The following SERTAD2 variants were observed in gnomAD, a reference collection of about 807,000 sequenced individuals.
SERTAD2 encodes SERTA domain-containing protein 2.
SERTAD2 carries 2 observed loss-of-function variants against 15.4 expected under a neutral mutation model. The observed-to-expected ratio is 0.13, with a 90% CI of 0.05 to 0.41. The LOEUF is 0.41. Among genes scored for constraint, SERTAD2 ranks in the 10% least tolerant of loss-of-function variants. SERTAD2 has a pLI of 0.99. For synonymous variants in SERTAD2, 180 were observed against 178.0 expected (o/e 1.01, Z -0.09); for missense variants, 333 against 409.7 (o/e 0.81, Z 1.62).
chr2:64,643,099 C>A (rs764093961), intron 1 of SERTAD2, among the ~76,000 whole-genome samples: 1 of 152,216 alleles, frequency 6.6e-6, no homozygotes, highest in Non-Finnish European at 1.5e-5. Context: ...TCCTGCACCC[C>A]TGGGGCTTGT....
In SERTAD2 at chr2:64,634,168, T is replaced by C; in HGVS notation, c.*1759A>G. 6.6e-6 allele frequency: 1 copy of C among 152,108 alleles called. No homozygotes were observed. The highest frequency in any genetic ancestry group is 6.5e-5 in the Admixed American group (1 of 15,272). 9.4% of individuals were successfully genotyped at this position (152,108 alleles called of 1,614,324 possible). ...AAAATTTTTAAATAAATATAAAAGTTATTCCTAAAGAAGCCATCTGCATAA... is the reference window on the plus strand; with the variant it reads ...AAAATTTTTAAATAAATATAAAAGTCATTCCTAAAGAAGCCATCTGCATAA... On this transcript the variant is annotated 3_prime_UTR_variant, in exon 2 of 2. Coordinates refer to ENST00000313349, the MANE Select transcript of SERTAD2 (RefSeq NM_014755.3).
rs942268128 is a variant in SERTAD2 at position 64,632,574 on chromosome 2, A to G, written c.*3353T>C. 2 of 152,466 alleles carry G rather than the reference A, an allele frequency of 1.3e-5. No homozygotes were observed. Among genetic ancestry groups the G allele is most frequent in the Admixed American group, 6.6e-5 (1 of 15,234 alleles). The allele number at this position is 152,466 out of a possible 1,614,324, so 9.4% of individuals were successfully genotyped here. A position where few individuals can be genotyped will look rare whatever the true frequency, so the allele number is the denominator to read the frequency against. On this transcript the variant is annotated 3_prime_UTR_variant, in exon 2 of 2. Coordinates refer to ENST00000313349, the MANE Select transcript of SERTAD2 (RefSeq NM_014755.3). ...TCTGTCATCCAGAGAAAGTGCTACT[A>G]AAAAAACTTTAAAAAATATCAACCC...
At chr2:64,637,876 T>C (rs563743151) in intron 1 of SERTAD2, among the ~76,000 whole-genome samples, 2 of 152,360 alleles carry the variant, frequency 1.3e-5, no homozygotes, top group African/African-American at 4.8e-5. Flanking sequence ...TTTTATCAAC[T>C]GGTTGTCACC....
chr2:64,641,413 T>C (rs1674775339), intron 1 of SERTAD2, among the ~76,000 whole-genome samples: 1 of 152,192 alleles, frequency 6.6e-6, no homozygotes, highest in South Asian at 2.1e-4. Flanking sequence ...TTGTAGCCTA[T>C]TTGAAAGTTA....
intron 1 of SERTAD2, among the ~76,000 whole-genome samples, chr2:64,652,994 A>G (rs1558657779): frequency 6.6e-6 from 1 of 152,206 alleles, no homozygotes; most frequent in Non-Finnish European, 1.5e-5. Context: ...ATAGGCGGTT[A>G]CCACGAAGAT....
At chr2:64,652,293 G>A (rs1313753907) in intron 1 of SERTAD2, among the ~76,000 whole-genome samples, 1 of 152,122 alleles carries the variant, frequency 6.6e-6, no homozygotes, top group Non-Finnish European at 1.5e-5. Context: ...GATGGGAGCT[G>A]CCAGGGTGAG....
In SERTAD2 at chr2:64,633,879, T is replaced by C. The variant is rs1474997356; in HGVS notation, c.*2048A>G. The C allele has an allele frequency of 2.0e-5, 3 of 152,552 alleles. No individual in the cohort carries two copies. Among genetic ancestry groups the C allele is most frequent in the Non-Finnish European group, 4.4e-5 (3 of 68,038 alleles). 9.4% of individuals were successfully genotyped at this position (152,552 alleles called of 1,614,324 possible). On this transcript the variant is annotated 3_prime_UTR_variant, in exon 2 of 2. Coordinates refer to ENST00000313349, the MANE Select transcript of SERTAD2 (RefSeq NM_014755.3). ...TGGGGGGAAAAAGTAAATTAGAATG[T>C]AGAAAGCCTTTATCATATCATACTC...
chr2:64,636,817 C>T lies in SERTAD2; in HGVS notation c.55G>A (p.Gly19Ser), dbSNP rs1304656157. 3 of 1,614,062 alleles carry T rather than the reference C, an allele frequency of 1.9e-6. No homozygotes were observed. In the African/African-American group the frequency reaches 4.0e-5, roughly 22 times the overall value. Residue 19 changes from glycine to serine, a missense_variant, in exon 2 of 2, where the codon GGC (glycine) becomes AGC (serine). Gly to Ser is a moderately conservative substitution (Grantham distance 56, BLOSUM62 0). This residue lies in a region of SERTAD2 where 332 missense variants were observed against 392.9 expected (regional missense o/e 0.84). Transcript: ENST00000313349. The stretch of plus-strand genomic sequence containing the variant: ...CCGTCACAGGGAGACACGATTTTGC[C>T]TTCCAGCCCATCTTCATGCTCATCA... ...KFDEHEDGLE[G>S]KIVSPCDGPS...
In SERTAD2 at chr2:64,653,561, T is replaced by A. The variant is rs575660607; in HGVS notation, c.-5+59A>T. Reference sequence around the variant, plus strand: ...GCCGAGTCCCAACACCGGCCCCCCATCCACCCGGAGCCCCCCGCGCCCGCG... The same window carrying A: ...GCCGAGTCCCAACACCGGCCCCCCAACCACCCGGAGCCCCCCGCGCCCGCG... On this transcript the variant is annotated intron_variant, in intron 1 of 1. Transcript: ENST00000313349. 29 of 152,468 alleles carry A rather than the reference T, an allele frequency of 1.9e-4. No individual in the cohort carries two copies. The South Asian group carries it at 3.7e-3, about 19-fold the overall frequency. 9.4% of individuals were successfully genotyped at this position (152,468 alleles called of 1,614,324 possible).
chr2:64,644,933 G>C (rs541386250), intron 1 of SERTAD2: 3 of 152,226 alleles, frequency 2.0e-5, no homozygotes, highest in East Asian at 1.9e-4. Context: ...TTCCAACAGG[G>C]AGAGACCGTC....
chr2:64,644,739 G>A (rs1483562393), intron 1 of SERTAD2: 1 of 152,388 alleles, frequency 6.6e-6, no homozygotes, highest in African/African-American at 2.4e-5. Context: ...GGCAGAATCA[G>A]AAAGGAAGCT....
At chr2:64,642,689 C>T (rs963896172) in intron 1 of SERTAD2, among the ~76,000 whole-genome samples, 5 of 152,146 alleles carry the variant, frequency 3.3e-5, no homozygotes, top group East Asian at 1.9e-4. Flanking sequence ...AGCATCACAG[C>T]GTCCTGGTGG....
rs1219111369 is a variant in SERTAD2, at chr2:64,632,776, A to G, written c.*3151T>C. On this transcript the variant is annotated 3_prime_UTR_variant, in exon 2 of 2. Transcript: ENST00000313349. Reference sequence around the variant, plus strand: ...ATACAGATTTACATTCCTACAAGAGAATACATTCCTACCATACATTCTGCA... The same window carrying G: ...ATACAGATTTACATTCCTACAAGAGGATACATTCCTACCATACATTCTGCA... 6.6e-6 allele frequency: 1 copy of G among 152,612 alleles called. No individual in the cohort carries two copies. The highest frequency in any genetic ancestry group is 1.5e-5 in the Non-Finnish European group (1 of 68,046). 9.5% of individuals were successfully genotyped at this position (152,612 alleles called of 1,614,324 possible). A position where few individuals can be genotyped will look rare whatever the true frequency, so the allele number is the denominator to read the frequency against.
intron 1 of SERTAD2, among the ~76,000 whole-genome samples, chr2:64,639,198 C>CA (rs1217381225): frequency 2.6e-5 from 4 of 152,190 alleles, no homozygotes; most frequent in Non-Finnish European, 4.4e-5. Flanking sequence ...TAGTGTTTCT[C>CA]AAAGTGTGGC....
rs1674629315 is a variant in SERTAD2 at position 64,635,131 on chromosome 2, T to C, written c.*796A>G. On this transcript the variant is annotated 3_prime_UTR_variant, in exon 2 of 2. Transcript: ENST00000313349. The stretch of plus-strand genomic sequence containing the variant: ...AAAGCACTGTGTGTGTGTTTATGGG[T>C]GTGTGCATGTGTGTGCCTGTGTTTG... 1.3e-5 allele frequency: 2 copies of C among 152,648 alleles called. No individual in the cohort carries two copies. The highest frequency in any genetic ancestry group is 1.3e-4 in the Admixed American group (2 of 15,284). 9.5% of individuals were successfully genotyped at this position (152,648 alleles called of 1,614,324 possible).
At chr2:64,651,108 A>G (rs1282907807) in intron 1 of SERTAD2, among the ~76,000 whole-genome samples, 2 of 152,240 alleles carry the variant, frequency 1.3e-5, no homozygotes, top group African/African-American at 4.8e-5. Context: ...CTATCTATAT[A>G]TAGCTTTTTC....
intron 1 of SERTAD2, among the ~76,000 whole-genome samples, chr2:64,638,870 T>A (rs1674715212): frequency 6.6e-6 from 1 of 152,376 alleles, no homozygotes; most frequent in African/African-American, 2.4e-5. Context: ...GAACATTTCC[T>A]ATCTAAAGTA....
chr2:64,645,479 T>G (rs1230585228), intron 1 of SERTAD2, among the ~76,000 whole-genome samples: 1 of 152,258 alleles, frequency 6.6e-6, no homozygotes, highest in Non-Finnish European at 1.5e-5. Flanking sequence ...TGTTTGGGGT[T>G]GTTTTCTAAA....
chr2:64,649,207 T>C (rs575456430), intron 1 of SERTAD2, among the ~76,000 whole-genome samples: 1 of 152,342 alleles, frequency 6.6e-6, no homozygotes, highest in South Asian at 2.1e-4. Context: ...TGAGTTTAAC[T>C]TGGGCAATAC....
Sources: allele counts gnomAD v4.1 joint callset (sites outside exome capture counted in the v4.1 genomes callset), GRCh38; gene constraint gnomAD v4.1.1; regional missense constraint gnomAD v4.1.1; transcripts MANE v1.5; gene names NCBI Gene and HGNC (gene_info 2026-07-23, HGNC 2026-07-21).